The following SMARCE1 variants were observed in gnomAD, a reference collection of about 807,000 sequenced individuals.
SMARCE1 encodes the protein SWI/SNF-related matrix-associated actin-dependent regulator of chromatin subfamily E member 1.
In SMARCE1, 13 loss-of-function variants were observed where a neutral mutation model predicts 54.9. The ratio of observed to expected loss-of-function variants is 0.24; its 90% CI spans 0.15 to 0.38. The LOEUF is 0.38. SMARCE1 is among the 10% of genes least tolerant of loss of function. The pLI is 1.00. For synonymous variants in SMARCE1, 151 were observed against 175.3 expected, an observed-to-expected ratio of 0.86 and a Z score of 1.10; for missense variants, 295 against 523.8, an observed-to-expected ratio of 0.56 and a Z score of 4.26.
At position 40,642,352 on chromosome 17, in the gene SMARCE1, T is replaced by G; in HGVS notation, c.156+103A>C. On this transcript the variant is annotated intron_variant, in intron 4 of 10. Transcript: ENST00000348513. This position sits in a 1 kb window ranked among gnomAD's most constrained non-coding sequence, Gnocchi z 4.6. ...ACTCAAAAAGCTAGGTTAAAAAATT[T>G]TTTTTAAATGGCTGTGCTTATGATT... 1 of 798,716 alleles carries G rather than the reference T, an allele frequency of 1.3e-6. No individual in the cohort carries two copies. The highest frequency in any genetic ancestry group is 2.2e-6 in the Non-Finnish European group (1 of 447,742). 49.5% of individuals were successfully genotyped at this position (798,716 alleles called of 1,614,324 possible).
Position 40,637,482 on chromosome 17 carries a change from A to G in SMARCE1, c.237+10T>C. 6.2e-7 allele frequency: 1 copy of G among 1,606,968 alleles called. No homozygotes were observed. Among genetic ancestry groups the G allele is most frequent in the South Asian group, 1.1e-5 (1 of 90,942 alleles). Reference sequence around the variant, plus strand: ...GTGTCCTCACTCCTTACCAGGTCCTAAGCACCTACCTTTCTGCTGTACCTC... The same window carrying G: ...GTGTCCTCACTCCTTACCAGGTCCTGAGCACCTACCTTTCTGCTGTACCTC... On this transcript the variant is annotated intron_variant, in intron 5 of 10. Coordinates refer to ENST00000348513, the MANE Select transcript of SMARCE1 (RefSeq NM_003079.5).
At chr17:40,639,452 C>A (rs2037176090) in intron 4 of SMARCE1, among the ~76,000 whole-genome samples, 1 of 152,084 alleles carries the variant, frequency 6.6e-6, no homozygotes, top group South Asian at 2.1e-4. Context: ...TTCTAAAATG[C>A]CTATGCTTCC....
chr17:40,643,326 T>C (rs2037217639), intron 3 of SMARCE1: 2 of 152,246 alleles, frequency 1.3e-5, no homozygotes, highest in South Asian at 4.1e-4. Context: ...CATTTCTGCA[T>C]TTTGTCTCAA....
chr17:40,635,796 CA>C (rs2037140542), intron 7 of SMARCE1, 134 bp downstream of exon 7: 2 of 631,394 alleles, frequency 3.2e-6, no homozygotes, highest in Non-Finnish European at 4.9e-6. Context: ...TCAATATAAC[CA>C]AAATACTAAG....
At chr17:40,636,561 T>C (rs1190474965) in intron 5 of SMARCE1, 35 bp from the exon 6 acceptor site, 3 of 1,560,888 alleles carry the variant, frequency 1.9e-6, no homozygotes, top group African/African-American at 2.7e-5. Context: ...TTAATACTGA[T>C]GTCTAAACGT....
Position 40,642,038 on chromosome 17 carries a change from A to C in SMARCE1, c.156+417T>G. The C allele has an allele frequency of 4.2e-6, 1 of 238,022 alleles. No homozygotes were observed. The highest frequency in any genetic ancestry group is 7.9e-6 in the Non-Finnish European group (1 of 125,830). The allele number at this position is 238,022 out of a possible 1,614,324, so 14.7% of individuals were successfully genotyped here. ...GATTCAAACTGGTGTACCAGCCAAA[A>C]GCTTTCCAGCCCTGAAAAAGCCAGG... On this transcript the variant is annotated intron_variant, in intron 4 of 10. Coordinates refer to ENST00000348513, the MANE Select transcript of SMARCE1 (RefSeq NM_003079.5). This position sits in a 1 kb window ranked among gnomAD's most constrained non-coding sequence, Gnocchi z 4.6.
chr17:40,637,346 A>C (rs1451577777), intron 5 of SMARCE1, 146 bp downstream of exon 5: 2 of 700,760 alleles, frequency 2.9e-6, no homozygotes, highest in Non-Finnish European at 5.2e-6. Context: ...TTGAAATCAG[A>C]ACTAATTGCT....
chr17:40,629,854 G>A (rs972935316), intron 10 of SMARCE1: 1 of 367,448 alleles, frequency 2.7e-6, no homozygotes, highest in Non-Finnish European at 4.8e-6. Context: ...AAAACAGAAA[G>A]AGACTCAGAT....
chr17:40,628,414 T>G lies in SMARCE1; in HGVS notation c.*371A>C, dbSNP rs947667437. On this transcript the variant is annotated 3_prime_UTR_variant, in exon 11 of 11. Transcript: ENST00000348513. Reference sequence around the variant, plus strand: ...CTTTCAGGAAGCTACTGATGGGGACTGGGAAGGTTTAAAGCTATGGCTTTG... The same window carrying G: ...CTTTCAGGAAGCTACTGATGGGGACGGGGAAGGTTTAAAGCTATGGCTTTG... 10 of 189,820 alleles carry G rather than the reference T, an allele frequency of 5.3e-5. No homozygotes were observed. Among genetic ancestry groups the G allele is most frequent in the Non-Finnish European group, 8.8e-5 (8 of 91,172 alleles). 11.8% of individuals were successfully genotyped at this position (189,820 alleles called of 1,614,324 possible). A position where few individuals can be genotyped will look rare whatever the true frequency, so the allele number is the denominator to read the frequency against.
intron 7 of SMARCE1, chr17:40,634,016 G>T: frequency 6.6e-6 from 1 of 152,370 alleles, no homozygotes; most frequent in Admixed American, 6.5e-5. Flanking sequence ...CCTTTTTTGG[G>T]GGAATGGCTT....
Position 40,639,041 on chromosome 17 carries a change from T to A in SMARCE1, c.157-1469A>T, listed in dbSNP as rs139657681. ...CGCCTTGGAAGCAGTATTTCCTCTCTTTCCATTCCTCCCATGCATTCTTGT... is the reference window on the plus strand; with the variant it reads ...CGCCTTGGAAGCAGTATTTCCTCTCATTCCATTCCTCCCATGCATTCTTGT... On this transcript the variant is annotated intron_variant, in intron 4 of 10. Coordinates refer to ENST00000348513, the MANE Select transcript of SMARCE1 (RefSeq NM_003079.5). Among the ~76,000 whole-genome samples the A allele has an allele frequency of 8.1e-3, 1,235 of 152,306 alleles. 13 individuals are homozygous for A. The highest frequency in any genetic ancestry group is 0.029 in the South Asian group (141 of 4,828).
At chr17:40,631,895 A>G (rs926851036) in intron 8 of SMARCE1, 3 of 553,056 alleles carry the variant, frequency 5.4e-6, no homozygotes, top group Non-Finnish European at 9.6e-6. Context: ...GGCCTGAGCA[A>G]TTCCTTGGGA....
intron 1 of SMARCE1, among the ~76,000 whole-genome samples, chr17:40,646,908 GTCTT>G (rs1447387213): frequency 1.3e-5 from 2 of 152,154 alleles, no homozygotes; most frequent in African/African-American, 4.8e-5. Flanking sequence ...TCCAACCTGA[GTCTT>G]TCCCTCTTAA....
intron 4 of SMARCE1, among the ~76,000 whole-genome samples, chr17:40,639,207 T>C (rs890299856): frequency 5.9e-5 from 9 of 152,188 alleles, no homozygotes; most frequent in Admixed American, 2.6e-4. Context: ...TCAGGGTCTA[T>C]AGTTCTTTCA....
Position 40,625,578 on chromosome 17 carries a change from C to T in SMARCE1, c.*3207G>A, listed in dbSNP as rs1255615832. The T allele has an allele frequency of 1.3e-5, 1 of 75,634 alleles. No individual in the cohort carries two copies. Among genetic ancestry groups the T allele is most frequent in the Non-Finnish European group, 2.5e-5 (1 of 40,066 alleles). 4.7% of individuals were successfully genotyped at this position (75,634 alleles called of 1,614,324 possible). On this transcript the variant is annotated 3_prime_UTR_variant, in exon 11 of 11. Transcript: ENST00000348513. ...TATAATACCAGCTTCACTGCCTGTT[C>T]ACGAGAAACCAAAGCTTCAATTTAA...
rs2037024976 is a variant in SMARCE1, at chr17:40,625,360, G to A, written c.*3425C>T. ...GTTCCTTTGAGCTTGTTATTGTACA[G>A]TGGATTTTTCATTTGCAAAGACGTT... is the stretch of plus-strand genomic sequence containing the variant. On this transcript the variant is annotated 3_prime_UTR_variant, in exon 11 of 11. Transcript: ENST00000348513. 6.6e-6 allele frequency: 1 copy of A among 152,186 alleles called. No homozygotes were observed. Among genetic ancestry groups the A allele is most frequent in the Non-Finnish European group, 1.5e-5 (1 of 68,038 alleles). The allele number at this position is 152,186 out of a possible 1,614,324, so 9.4% of individuals were successfully genotyped here.
At chr17:40,632,098 T>C (rs2037100965) in intron 8 of SMARCE1, 97 bp downstream of exon 8, 2 of 948,480 alleles carry the variant, frequency 2.1e-6, no homozygotes, top group African/African-American at 1.6e-5. Flanking sequence ...TAGATTGACA[T>C]ATTTAACAGG....
intron 4 of SMARCE1, chr17:40,640,668 C>T (rs2037190467): frequency 6.6e-6 from 1 of 152,152 alleles, no homozygotes; most frequent in African/African-American, 2.4e-5. Flanking sequence ...AGTGTAAAAC[C>T]TCCACATTTT....
At chr17:40,631,528 G>C in intron 9 of SMARCE1, 64 bp downstream of exon 9, 1 of 862,578 alleles carries the variant, frequency 1.2e-6, no homozygotes, top group East Asian at 2.5e-5. Flanking sequence ...TTGGAAAAAA[G>C]AATGAGGAAA....
Sources: gnomAD v4.1 joint callset for allele counts (sites outside exome capture counted in the v4.1 genomes callset) on GRCh38, gnomAD v4.1.1 for gene constraint, Gnocchi (gnomAD v3.1) non-coding constraint, MANE v1.5 for transcripts, NCBI Gene and HGNC (gene_info 2026-07-23, HGNC 2026-07-21) for gene names.